FSTL5: variants seen among roughly 807,000 people sequenced by gnomAD.
The protein encoded by FSTL5 is follistatin-related protein 5.
Under a neutral mutation model 89.1 loss-of-function variants are expected in FSTL5, and 62 were observed. That is an observed-to-expected ratio of 0.70 (90% CI 0.57 to 0.86). The LOEUF is 0.86. Ranked by LOEUF, FSTL5 falls within the 40% of genes least tolerant of loss-of-function variation. The pLI, the probability that FSTL5 is intolerant of heterozygous loss-of-function variation, is 0.00. For synonymous variants in FSTL5, 383 were observed against 346.2 expected (o/e 1.11, Z -1.18); for missense variants, 1,057 against 1,001.6 (o/e 1.06, Z -0.75).
At chr4:161,961,438 A>G (rs1344569579) in intron 3 of FSTL5, among the ~76,000 whole-genome samples, 1 of 152,070 alleles carries the variant, frequency 6.6e-6, no homozygotes, top group East Asian at 1.9e-4. Flanking sequence ...ATATCACTGC[A>G]TTATGACTAA....
At chr4:161,522,876 T>C (rs529592786) in intron 10 of FSTL5, among the ~76,000 whole-genome samples, 4 of 151,964 alleles carry the variant, frequency 2.6e-5, no homozygotes, top group African/African-American at 7.2e-5. Flanking sequence ...TTATTATATT[T>C]TCTAAAATAG....
chr4:161,650,720 C>T (rs1020532504), intron 7 of FSTL5, among the ~76,000 whole-genome samples: 1 of 152,072 alleles, frequency 6.6e-6, no homozygotes, highest in African/African-American at 2.4e-5. Flanking sequence ...CCATTGTAGG[C>T]ATGTAGCTAA....
chr4:161,506,303 C>T lies in FSTL5; in HGVS notation c.1339+4095G>A, dbSNP rs570457849. Among the ~76,000 whole-genome samples the T allele has an allele frequency of 3.4e-5, 5 of 146,526 alleles. No individual in the cohort carries two copies. In the South Asian group the frequency reaches 1.2e-3, roughly 34 times the overall value. Reference sequence around the variant, plus strand: ...GCCTAGGCTGTTCTCAAACTCCTGGCCTCAAGCAATCCTCCCTCTTCGGCC... The same window carrying T: ...GCCTAGGCTGTTCTCAAACTCCTGGTCTCAAGCAATCCTCCCTCTTCGGCC... On this transcript the variant is annotated intron_variant, in intron 11 of 15. Transcript: ENST00000306100.
At chr4:161,677,253 C>T (rs1189089647) in intron 6 of FSTL5, among the ~76,000 whole-genome samples, 1 of 151,028 alleles carries the variant, frequency 6.6e-6, no homozygotes, top group South Asian at 2.1e-4. Flanking sequence ...AGAAAGAATA[C>T]AATGAGACAG....
At chr4:162,116,000 T>C (rs993588023) in intron 1 of FSTL5, among the ~76,000 whole-genome samples, 2 of 152,094 alleles carry the variant, frequency 1.3e-5, no homozygotes, top group African/African-American at 4.8e-5. Context: ...TGTCGTAGCA[T>C]GCCTTTGAAT....
intron 15 of FSTL5, among the ~76,000 whole-genome samples, chr4:161,446,985 C>T (rs1732967533): frequency 6.6e-6 from 1 of 151,938 alleles, no homozygotes; most frequent in Non-Finnish European, 1.5e-5. Flanking sequence ...TATATATTCG[C>T]TTATATTTGT....
chr4:161,739,018 C>CTTAT (rs1739912384), intron 6 of FSTL5, among the ~76,000 whole-genome samples: 1 of 152,084 alleles, frequency 6.6e-6, no homozygotes, highest in Admixed American at 6.6e-5. Flanking sequence ...ATTGTTTTAT[C>CTTAT]TTATTTTTGT....
chr4:162,051,514 G>C (rs1738377538), intron 2 of FSTL5, among the ~76,000 whole-genome samples: 1 of 151,310 alleles, frequency 6.6e-6, no homozygotes. Context: ...AGAATAACCA[G>C]AGCATTTGAG....
intron 4 of FSTL5, among the ~76,000 whole-genome samples, chr4:161,793,053 C>T (rs1344123716): frequency 6.6e-6 from 1 of 152,238 alleles, no homozygotes; most frequent in African/African-American, 2.4e-5. Flanking sequence ...TATGGCATTT[C>T]CCTCATCCAT....
chr4:161,680,818 C>T (rs1284893535), intron 6 of FSTL5, among the ~76,000 whole-genome samples: 3 of 151,916 alleles, frequency 2.0e-5, no homozygotes, highest in Non-Finnish European at 4.4e-5. Flanking sequence ...CACCCAATAA[C>T]AGTAGCATTA....
chr4:161,550,130 C>A lies in FSTL5; in HGVS notation c.1016-7437G>T, dbSNP rs113298527. The stretch of plus-strand genomic sequence containing the variant: ...GGGTGTCCTCAGAAAGGCCTAATAA[C>A]CCTTAGTGTCCATAGTTGGGACTGT... On this transcript the variant is annotated intron_variant, in intron 8 of 15. Transcript: ENST00000306100. Among the ~76,000 whole-genome samples, 12 of 151,922 alleles carry A rather than the reference C, an allele frequency of 7.9e-5. No homozygotes were observed. The East Asian group carries it at 2.3e-3, about 30-fold the overall frequency.
chr4:161,702,751 C>A (rs1738439649), intron 6 of FSTL5, among the ~76,000 whole-genome samples: 1 of 152,148 alleles, frequency 6.6e-6, no homozygotes, highest in Admixed American at 6.6e-5. Flanking sequence ...ATTGACTTCA[C>A]TTATTGCTGA....
At chr4:162,122,902 T>C (rs1335502640) in intron 1 of FSTL5, among the ~76,000 whole-genome samples, 6 of 152,112 alleles carry the variant, frequency 3.9e-5, no homozygotes, top group Non-Finnish European at 8.8e-5. Context: ...TTGAAGATCT[T>C]TCCCTGGTTC....
intron 1 of FSTL5, among the ~76,000 whole-genome samples, chr4:162,117,610 T>C (rs1480533027): frequency 6.6e-6 from 1 of 152,082 alleles, no homozygotes; most frequent in Non-Finnish European, 1.5e-5. Context: ...TTCTAGAAAA[T>C]AAGAATACTG....
At chr4:161,674,328 A>G (rs537747728) in intron 6 of FSTL5, among the ~76,000 whole-genome samples, 78 of 151,866 alleles carry the variant, frequency 5.1e-4, no homozygotes, top group Non-Finnish European at 9.0e-4. Flanking sequence ...AATGAGGGGG[A>G]AAAAAAGGGA....
At chr4:161,469,995 T>C (rs1578858131) in intron 13 of FSTL5, among the ~76,000 whole-genome samples, 2 of 152,170 alleles carry the variant, frequency 1.3e-5, no homozygotes, top group East Asian at 3.8e-4. Flanking sequence ...TGGATAGTAA[T>C]CCCTTAACAG....
chr4:161,985,840 T>C (rs773291607), intron 3 of FSTL5, among the ~76,000 whole-genome samples: 41 of 152,150 alleles, frequency 2.7e-4, no homozygotes, highest in Non-Finnish European at 4.7e-4. Flanking sequence ...ATATATCTAA[T>C]AATTTGAATA....
At chr4:161,737,945 G>C (rs1173373004) in intron 6 of FSTL5, among the ~76,000 whole-genome samples, 1 of 152,052 alleles carries the variant, frequency 6.6e-6, no homozygotes, top group African/African-American at 2.4e-5. Flanking sequence ...TTTAAGACCA[G>C]TGATTTTCCG....
At chr4:161,575,452 C>CA (rs1553999114) in intron 8 of FSTL5, among the ~76,000 whole-genome samples, 1 of 151,564 alleles carries the variant, frequency 6.6e-6, no homozygotes. Context: ...TCCAGGTTTT[C>CA]TTTTTTTTCT....
Sources: allele counts gnomAD v4.1 joint callset (sites outside exome capture counted in the v4.1 genomes callset), GRCh38; gene constraint gnomAD v4.1.1; transcripts MANE v1.5; gene names NCBI Gene and HGNC (gene_info 2026-07-23, HGNC 2026-07-21).